Variants in MGAT1 observed in about 807,000 individuals in gnomAD.
MGAT1 encodes N-glycosyl-oligosaccharide-glycoprotein N-acetylglucosaminyltransferase I.
In MGAT1, 14 loss-of-function variants were observed where a neutral mutation model predicts 31.7. That is an observed-to-expected ratio of 0.44 (90% confidence interval 0.29 to 0.69). The LOEUF (loss-of-function observed/expected upper bound fraction) is 0.69. Among genes scored for constraint, MGAT1 ranks in the 30% least tolerant of loss-of-function variants. The probability of loss-of-function intolerance (pLI) is 0.12; values close to 1 mark genes in which losing one functional copy is unlikely to be tolerated. For synonymous variants in MGAT1, 338 were observed against 276.0 expected (o/e 1.22, Z -2.23); for missense variants, 557 against 626.0 (o/e 0.89, Z 1.18).
At chr5:180,797,160 C>T (rs879894297) in intron 1 of MGAT1, among the ~76,000 whole-genome samples, 25 of 152,268 alleles carry the variant, frequency 1.6e-4, no homozygotes, top group Admixed American at 3.9e-4. Context: ...GTAATCCCAG[C>T]GCTTTGGGAT....
chr5:180,792,785 C>A lies in MGAT1; in HGVS notation c.187G>T (p.Val63Leu). ...AGCCCACGCTGCCGCTCCAGCTCCA[C>A]CTCGGCGTCTTGGGCCAGGCGAATC... ...EVIRLAQDAE[V>L]ELERQRGLLQ... is the part of the protein sequence containing the mutation. The change falls in exon 2 of 2, where the codon GTG becomes TTG. Residue 63 changes from valine (V) to leucine (L), a missense_variant. Physicochemically the swap from Val to Leu is conservative, Grantham distance 32. Coordinates refer to ENST00000307826, the MANE Select transcript of MGAT1 (RefSeq NM_002406.4). The A allele has an allele frequency of 6.4e-7, 1 of 1,551,496 alleles. No individual in the cohort carries two copies. The highest frequency in any genetic ancestry group is 1.8e-4 in the Middle Eastern group (1 of 5,510).
At chr5:180,809,545 G>C (rs754450748) in intron 1 of MGAT1, 3 of 151,968 alleles carry the variant, frequency 2.0e-5, no homozygotes, top group Non-Finnish European at 4.4e-5. Context: ...TCCAGACCGA[G>C]ATGCTGGCAT....
chr5:180,795,623 G>C (rs1223193918), intron 1 of MGAT1: 6 of 152,204 alleles, frequency 3.9e-5, no homozygotes, highest in Admixed American at 3.3e-4. Flanking sequence ...AGGTGAATCT[G>C]AGTAAAGAGA....
intron 1 of MGAT1, among the ~76,000 whole-genome samples, chr5:180,795,117 G>A (rs1561834536): frequency 6.6e-6 from 1 of 152,058 alleles, no homozygotes; most frequent in Non-Finnish European, 1.5e-5. Context: ...ACATAAAACT[G>A]CCGAAAATAG....
rs1181414237 is a variant in MGAT1 at position 180,791,168 on chromosome 5, T to A, written c.*466A>T. ...CTGACAAGGAAGCCCCTTTGGTTAG[T>A]ATCATTTTGGCCACAAATATGTCCC... On this transcript the variant is annotated 3_prime_UTR_variant, in exon 2 of 2. Coordinates refer to ENST00000307826, the MANE Select transcript of MGAT1 (RefSeq NM_002406.4). 1 of 162,430 alleles carries A rather than the reference T, an allele frequency of 6.2e-6. No individual in the cohort carries two copies. The highest frequency in any genetic ancestry group is 1.3e-5 in the Non-Finnish European group (1 of 74,992). 10.1% of individuals were successfully genotyped at this position (162,430 alleles called of 1,614,324 possible). A position where few individuals can be genotyped will look rare whatever the true frequency, so the allele number is the denominator to read the frequency against.
intron 1 of MGAT1, among the ~76,000 whole-genome samples, chr5:180,796,180 CCAG>C (rs1270721065): frequency 3.9e-5 from 6 of 152,240 alleles, no homozygotes; most frequent in African/African-American, 1.4e-4. Context: ...GGCTCTCAAA[CCAG>C]CAGATCTGGT....
At chr5:180,815,394 C>T (rs1292189035) in intron 1 of MGAT1, 1 of 152,656 alleles carries the variant, frequency 6.6e-6, no homozygotes, top group Non-Finnish European at 1.5e-5. Flanking sequence ...GCCCTCCCAA[C>T]TCAGTCCCCT....
chr5:180,792,917 C>T lies in MGAT1; in HGVS notation c.55G>A (p.Ala19Thr). 6.2e-7 allele frequency: 1 copy of T among 1,612,632 alleles called. No homozygotes were observed. Among genetic ancestry groups the T allele is most frequent in the Non-Finnish European group, 8.5e-7 (1 of 1,179,632 alleles). ...AAGAGGAGCAGCAGGGCATTCCAGG[C>T]CACAAAGAGGATAGCGCCCCACAGC... ...LVLWGAILFV[A>T]WNALLLLFFW... The change falls in exon 2 of 2, where the codon GCC becomes ACC. Residue 19 changes from alanine (A) to threonine (T), a missense_variant. By Grantham distance (58) the Ala-to-Thr change is moderately conservative. Transcript: ENST00000307826.
chr5:180,798,915 A>T (rs12517175), intron 1 of MGAT1, among the ~76,000 whole-genome samples: 1 of 152,176 alleles, frequency 6.6e-6, no homozygotes, highest in African/African-American at 2.4e-5. Context: ...TGAAAATGGA[A>T]GTACAAAGTT....
chr5:180,794,088 C>T (rs976225517), intron 1 of MGAT1, among the ~76,000 whole-genome samples: 1 of 152,022 alleles, frequency 6.6e-6, no homozygotes, highest in Non-Finnish European at 1.5e-5. Context: ...TATGAAAATA[C>T]TGCATACTGG....
chr5:180,802,194 C>T (rs1264392358), intron 1 of MGAT1, among the ~76,000 whole-genome samples: 1 of 152,212 alleles, frequency 6.6e-6, no homozygotes, highest in Middle Eastern at 3.2e-3. Context: ...GGGCTCTCTA[C>T]TCCACACACG....
intron 1 of MGAT1, chr5:180,809,802 C>T (rs1225785875): frequency 1.4e-5 from 2 of 145,216 alleles, no homozygotes; most frequent in Admixed American, 6.8e-5. Context: ...CACATCCATT[C>T]TCTCTCTCAA....
chr5:180,786,300 C>T lies in MGAT1; in HGVS notation c.*5334G>A, dbSNP rs1340375155. ...TCAAACAACCCACTAGGGTTAGGGG[C>T]CCGCAGGTTTCATTCTGCCCCTCTC... On this transcript the variant is annotated 3_prime_UTR_variant, in exon 2 of 2. Transcript: ENST00000307826. 1.3e-5 allele frequency: 2 copies of T among 152,164 alleles called. No individual in the cohort carries two copies. The highest frequency in any genetic ancestry group is 3.8e-4 in the East Asian group (2 of 5,196). 9.4% of individuals were successfully genotyped at this position (152,164 alleles called of 1,614,324 possible).
chr5:180,791,549 C>T lies in MGAT1; in HGVS notation c.*85G>A. 1 of 1,496,586 alleles carries T rather than the reference C, an allele frequency of 6.7e-7. No individual in the cohort carries two copies. Among genetic ancestry groups the T allele is most frequent in the Non-Finnish European group, 9.0e-7 (1 of 1,109,866 alleles). The allele number at this position is 1,496,586 out of a possible 1,614,324, so 92.7% of individuals were successfully genotyped here. A position where few individuals can be genotyped will look rare whatever the true frequency, so the allele number is the denominator to read the frequency against. On this transcript the variant is annotated 3_prime_UTR_variant, in exon 2 of 2. Coordinates refer to ENST00000307826, the MANE Select transcript of MGAT1 (RefSeq NM_002406.4). Reference sequence around the variant, plus strand: ...GATAAATGCACCTAAGAGGGAAACACAGGCAGGCCGATGCAGCCTGGGGAC... The same window carrying T: ...GATAAATGCACCTAAGAGGGAAACATAGGCAGGCCGATGCAGCCTGGGGAC...
Position 180,810,675 on chromosome 5 carries a change from C to T in MGAT1, c.-545-1609G>A, listed in dbSNP as rs546545128. ...TGGTTTCTCAAAAAGGGTGACCCCC[C>T]CCCTCCGCCCCACGCTGGTCGCGGG... On this transcript the variant is annotated intron_variant, in intron 1 of 2. Transcript: ENST00000333055. 87 of 127,218 alleles carry T rather than the reference C, an allele frequency of 6.8e-4. 1 individual carries two copies. The highest frequency in any genetic ancestry group is 1.0e-3 in the Non-Finnish European group (67 of 66,212). The allele number at this position is 127,218 out of a possible 1,614,324, so 7.9% of individuals were successfully genotyped here.
chr5:180,793,076 G>T lies in MGAT1; in HGVS notation c.-105C>A. ...CTAGGGATGCCTCCTCTGGACTATG[G>T]GATTAGGAGGCAGCCATGCACCTAA... is the stretch of plus-strand genomic sequence containing the variant. On this transcript the variant is annotated 5_prime_UTR_variant, in exon 2 of 2. Coordinates refer to ENST00000307826, the MANE Select transcript of MGAT1 (RefSeq NM_002406.4). 2 of 1,345,474 alleles carry T rather than the reference G, an allele frequency of 1.5e-6. No individual in the cohort carries two copies. Among genetic ancestry groups the T allele is most frequent in the Non-Finnish European group, 2.0e-6 (2 of 988,926 alleles). The allele number at this position is 1,345,474 out of a possible 1,614,324, so 83.3% of individuals were successfully genotyped here.
intron 2 of MGAT1, among the ~76,000 whole-genome samples, chr5:180,808,031 T>G (rs1196131439): frequency 6.6e-6 from 1 of 152,228 alleles, no homozygotes; most frequent in Non-Finnish European, 1.5e-5. Context: ...CCCCATTTTG[T>G]AGGTGAAGAG....
At chr5:180,813,222 A>G (rs1309601844) in intron 1 of MGAT1, among the ~76,000 whole-genome samples, 1 of 152,190 alleles carries the variant, frequency 6.6e-6, no homozygotes, top group Non-Finnish European at 1.5e-5. Context: ...CACACCCTGC[A>G]CTGTCACACC....
rs1768145882 is a variant in MGAT1 at position 180,791,765 on chromosome 5, C to T, written c.1207G>A (p.Val403Ile). ...ACCCCCGACTTAAGGTCATCCATGA[C>T]ACCCAGAGCCTTGGCGAAAGCCTTG... ...SFKAFAKALG[V>I]MDDLKSGVPR... Residue 403 changes from valine to isoleucine, a missense_variant, in exon 2 of 2, where the codon GTC becomes ATC. Val to Ile is a conservative substitution (Grantham distance 29). Transcript: ENST00000307826. The T allele has an allele frequency of 1.9e-6, 3 of 1,614,084 alleles. No homozygotes were observed. Among genetic ancestry groups the T allele is most frequent in the South Asian group, 1.1e-5 (1 of 91,088 alleles).
Sources: gnomAD v4.1 joint callset for allele counts (sites outside exome capture counted in the v4.1 genomes callset) on GRCh38, gnomAD v4.1.1 for gene constraint, MANE v1.5 for transcripts, NCBI Gene and HGNC (gene_info 2026-07-23, HGNC 2026-07-21) for gene names.